The following ARHGAP32 variants were observed in gnomAD, a reference collection of about 807,000 sequenced individuals.
ARHGAP32 encodes Rho GTPase activating protein 32, also known as rho GTPase-activating protein 32.
In ARHGAP32, 51 loss-of-function variants were observed where a neutral mutation model predicts 186.5. That is an observed-to-expected ratio of 0.27 (90% confidence interval 0.22 to 0.35). The LOEUF (loss-of-function observed/expected upper bound fraction) is 0.35, where lower values mean the gene tolerates loss of function less well. ARHGAP32 is among the 10% of genes least tolerant of loss of function. The probability of loss-of-function intolerance (pLI) is 1.00; values close to 1 mark genes in which losing one functional copy is unlikely to be tolerated. For synonymous variants in ARHGAP32, 950 were observed against 964.3 expected, an observed-to-expected ratio of 0.99 and a Z score of 0.27; for missense variants, 2,186 against 2,623.5, an observed-to-expected ratio of 0.83 and a Z score of 3.64.
intron 8 of ARHGAP32, 75 bp from the exon 9 acceptor site, chr11:129,064,099 A>G: frequency 7.4e-7 from 1 of 1,346,396 alleles, no homozygotes; most frequent in Non-Finnish European, 9.9e-7. Context: ...TATAAAAGAA[A>G]TTCATTTTAA....
At chr11:129,032,156 C>T (rs774111623) in intron 11 of ARHGAP32, among the ~76,000 whole-genome samples, 4 of 152,222 alleles carry the variant, frequency 2.6e-5, no homozygotes, top group Non-Finnish European at 5.9e-5. Context: ...TGACCCTCCA[C>T]TGAGTTAACA....
intron 11 of ARHGAP32, among the ~76,000 whole-genome samples, chr11:129,013,620 G>C (rs1020830938): frequency 6.6e-6 from 1 of 152,080 alleles, no homozygotes; most frequent in East Asian, 1.9e-4. Flanking sequence ...TAATTTCCCT[G>C]CCTTGGAGAT....
At chr11:128,994,865 C>T (rs945907853) in intron 12 of ARHGAP32, among the ~76,000 whole-genome samples, 1 of 151,996 alleles carries the variant, frequency 6.6e-6, no homozygotes, top group African/African-American at 2.4e-5. Flanking sequence ...TTTTAATATG[C>T]CAAGTATAAT....
At chr11:128,971,971 T>C (rs1264786941) in intron 22 of ARHGAP32, 2 of 152,634 alleles carry the variant, frequency 1.3e-5, no homozygotes, top group African/African-American at 4.8e-5. Flanking sequence ...TAATCTCTTA[T>C]ACTTCCAAAA....
intron 11 of ARHGAP32, among the ~76,000 whole-genome samples, chr11:129,011,726 T>C (rs1243033988): frequency 6.6e-6 from 1 of 152,184 alleles, no homozygotes; most frequent in Non-Finnish European, 1.5e-5. Flanking sequence ...TTGAATAAAT[T>C]ATGGTACATC....
intron 2 of ARHGAP32, among the ~76,000 whole-genome samples, chr11:129,146,858 G>A (rs1391791407): frequency 6.6e-6 from 1 of 151,848 alleles, no homozygotes; most frequent in African/African-American, 2.4e-5. Context: ...TTTTATCTCT[G>A]AAGTAATTTA....
intron 1 of ARHGAP32, among the ~76,000 whole-genome samples, chr11:129,186,798 C>A (rs1944170915): frequency 6.6e-6 from 1 of 152,030 alleles, no homozygotes; most frequent in African/African-American, 2.4e-5. Context: ...AAATGCAAAT[C>A]AAAACTACAG....
In ARHGAP32 at chr11:129,178,348, G is replaced by A. The variant is rs533862507; in HGVS notation, c.116+13735C>T. Among the ~76,000 whole-genome samples the A allele has an allele frequency of 4.7e-3, 715 of 150,670 alleles. 5 individuals carry two copies. The highest frequency in any genetic ancestry group is 8.1e-3 in the Non-Finnish European group (545 of 67,060). On this transcript the variant is annotated intron_variant, in intron 1 of 22. Coordinates refer to ENST00000682385, the MANE Select transcript of ARHGAP32 (RefSeq NM_001378024.1). ...CTCATGGGTAGGAAGAATCAATATC[G>A]TGAAAATGGCCATACTGCCCAAGGT... is the stretch of plus-strand genomic sequence containing the variant.
intron 12 of ARHGAP32, among the ~76,000 whole-genome samples, chr11:128,992,239 C>T (rs1946077798): frequency 6.6e-6 from 1 of 152,024 alleles, no homozygotes; most frequent in African/African-American, 2.4e-5. Context: ...CCGAGGGTTT[C>T]AAAATATTTG....
At chr11:129,242,651 G>C (rs1411536494) in intron 1 of ARHGAP32, among the ~76,000 whole-genome samples, 1 of 151,280 alleles carries the variant, frequency 6.6e-6, no homozygotes, top group African/African-American at 2.4e-5. Context: ...CCGGGAGGTG[G>C]AGCTTGCAGT....
chr11:129,242,627 A>T (rs1355667808), intron 1 of ARHGAP32, among the ~76,000 whole-genome samples: 1 of 151,788 alleles, frequency 6.6e-6, no homozygotes, highest in Non-Finnish European at 1.5e-5. Flanking sequence ...CTGAGGCAGG[A>T]GAATGGCATG....
intron 10 of ARHGAP32, among the ~76,000 whole-genome samples, chr11:129,059,335 A>G (rs551289526): frequency 1.6e-4 from 24 of 152,284 alleles, no homozygotes; most frequent in African/African-American, 5.5e-4. Flanking sequence ...CACTGCATGT[A>G]AAGTACTGAG....
intron 1 of ARHGAP32, among the ~76,000 whole-genome samples, chr11:129,215,687 CGT>C (rs947660530): frequency 7.2e-5 from 11 of 152,152 alleles, no homozygotes; most frequent in Non-Finnish European, 1.6e-4. Flanking sequence ...TCTGAGAATC[CGT>C]GTGATTACCT....
chr11:129,237,586 A>G (rs1320766114), intron 1 of ARHGAP32, among the ~76,000 whole-genome samples: 2 of 152,170 alleles, frequency 1.3e-5, no homozygotes, highest in Non-Finnish European at 2.9e-5. Flanking sequence ...AGAGGCCTAA[A>G]TGAACTGAGT....
chr11:129,187,942 G>GT (rs1458247975), intron 1 of ARHGAP32, among the ~76,000 whole-genome samples: 2 of 151,680 alleles, frequency 1.3e-5, no homozygotes, highest in South Asian at 2.1e-4. Context: ...TTTTTGTGTG[G>GT]TTTTTTTGTT....
rs970771380 is a variant in ARHGAP32 at position 129,131,712 on chromosome 11, G to C, written c.226-6818C>G. 3.9e-5 allele frequency among the ~76,000 whole-genome samples: 6 copies of C among 152,222 alleles called. No individual in the cohort carries two copies. In the South Asian group the frequency reaches 6.2e-4, roughly 16 times the overall value. On this transcript the variant is annotated intron_variant, in intron 2 of 22. Transcript: ENST00000682385. The stretch of plus-strand genomic sequence containing the variant: ...GAATTATAATTTGACATGAGATTTG[G>C]ATGGGCCCACAAATCCAAACCACAT...
At position 128,974,739 on chromosome 11, in the gene ARHGAP32, T is replaced by C. The variant is rs1945495539; in HGVS notation, c.2458A>G (p.Lys820Glu). Reference protein sequence around the residue: ...DPMSFQCSPPKAESECLESGA... With the variant: ...DPMSFQCSPPEAESECLESGA... ...CTCTCCAGACATTCTGATTCGGCCT[T>C]AGGAGGACTACATTGAAATGACATT... The change falls in exon 21 of 23, where the codon AAG (lysine) becomes GAG (glutamate). Residue 820 changes from lysine to glutamate, a missense_variant. Physicochemically the swap from Lys to Glu is moderately conservative, Grantham distance 56. Transcript: ENST00000682385. 47 of 1,614,206 alleles carry C rather than the reference T, an allele frequency of 2.9e-5. No individual in the cohort carries two copies. The highest frequency in any genetic ancestry group is 3.8e-5 in the Non-Finnish European group (45 of 1,180,044).
At chr11:129,033,573 A>C (rs1486442068) in intron 11 of ARHGAP32, among the ~76,000 whole-genome samples, 1 of 152,200 alleles carries the variant, frequency 6.6e-6, no homozygotes, top group Non-Finnish European at 1.5e-5. Context: ...TCACTGTCTT[A>C]AGGGCATATT....
At chr11:129,193,653 TATACA>T (rs1944337022), upstream of ARHGAP32, among the ~76,000 whole-genome samples, 1 of 62,004 alleles carries the variant, frequency 1.6e-5, no homozygotes, top group Non-Finnish European at 3.0e-5. Context: ...ATATAATACA[TATACA>T]ATATATATTA....
Sources: gnomAD v4.1 joint callset for allele counts (sites outside exome capture counted in the v4.1 genomes callset) on GRCh38, gnomAD v4.1.1 for gene constraint, MANE v1.5 for transcripts, NCBI Gene and HGNC (gene_info 2026-07-23, HGNC 2026-07-21) for gene names.